RP1L1: variants seen among roughly 807,000 people sequenced by gnomAD.
RP1L1 encodes retinitis pigmentosa 1-like 1 protein.
Under a neutral mutation model 15.7 loss-of-function variants are expected in RP1L1, and 27 were observed. The observed-to-expected ratio is 1.72, with a 90% CI of 1.27 to 2.38. The LOEUF is 2.38. Among genes scored for constraint, RP1L1 ranks in the 30% most tolerant of loss-of-function variants. The probability of loss-of-function intolerance (pLI) is 0.00; values close to 1 mark genes in which losing one functional copy is unlikely to be tolerated. For missense variants in RP1L1, 4,798 were observed against 3,075.9 expected, an observed-to-expected ratio of 1.56 and a Z score of -13.24; for synonymous variants, 1,813 against 1,276.7, an observed-to-expected ratio of 1.42 and a Z score of -8.96.
chr8:10,634,432 C>T (rs1286286817), intron 1 of RP1L1, among the ~76,000 whole-genome samples: 4 of 152,168 alleles, frequency 2.6e-5, no homozygotes, highest in Non-Finnish European at 5.9e-5. Flanking sequence ...GGCATATGGA[C>T]CGGTTTTCCG....
chr8:10,637,153 G>T (rs1302275983), intron 1 of RP1L1, among the ~76,000 whole-genome samples: 2 of 152,176 alleles, frequency 1.3e-5, no homozygotes, highest in Non-Finnish European at 2.9e-5. Context: ...GAGCCTTCCT[G>T]GTCAGGTTCC....
chr8:10,612,898 C>T lies in RP1L1; in HGVS notation c.1200G>A (p.Gln400=), dbSNP rs754964072. 1 of 1,613,060 alleles carries T rather than the reference C, an allele frequency of 6.2e-7. No homozygotes were observed. The highest frequency in any genetic ancestry group is 1.1e-5 in the South Asian group (1 of 91,088). Residue 400 remains glutamine, a synonymous_variant, in exon 4 of 4, where the codon CAG becomes CAA. Coordinates refer to ENST00000382483, the MANE Select transcript of RP1L1 (RefSeq NM_178857.6). Reference sequence around the variant, plus strand: ...TCCAGATTTCATACTTGGGCCCTGGCTGCCCGCCTCGGCCAAAGACTTCCC... The same window carrying T: ...TCCAGATTTCATACTTGGGCCCTGGTTGCCCGCCTCGGCCAAAGACTTCCC... The part of the protein sequence containing the change: ...GCREVFGRGG[Q]PGPKYEIWTN...
chr8:10,632,461 T>C (rs990795056), intron 1 of RP1L1, among the ~76,000 whole-genome samples: 4 of 152,212 alleles, frequency 2.6e-5, no homozygotes, highest in Non-Finnish European at 5.9e-5. Context: ...TATACAGATA[T>C]CTCCACCTAA....
At chr8:10,645,760 A>G (rs75645657) in intron 1 of RP1L1, among the ~76,000 whole-genome samples, 3,171 of 152,296 alleles carry the variant, frequency 0.021, 94 homozygotes, top group Admixed American at 0.07. Flanking sequence ...GCACCAGTGC[A>G]AGCGAGTCCA....
chr8:10,606,674 T>G lies in RP1L1; in HGVS notation c.*221A>C. 1.4e-6 allele frequency: 1 copy of G among 699,032 alleles called. No homozygotes were observed. The highest frequency in any genetic ancestry group is 2.3e-6 in the Non-Finnish European group (1 of 435,888). The allele number at this position is 699,032 out of a possible 1,614,324, so 43.3% of individuals were successfully genotyped here. A position where few individuals can be genotyped will look rare whatever the true frequency, so the allele number is the denominator to read the frequency against. On this transcript the variant is annotated 3_prime_UTR_variant, in exon 4 of 4. Coordinates refer to ENST00000382483, the MANE Select transcript of RP1L1 (RefSeq NM_178857.6). ...CCGGGCAGATCCGCAGACACCCCCT[T>G]TCTTCACACTGCGTGTGGGACGGGC...
chr8:10,650,254 G>T (rs1798539251), intron 1 of RP1L1, among the ~76,000 whole-genome samples: 1 of 152,060 alleles, frequency 6.6e-6, no homozygotes, highest in Admixed American at 6.5e-5. Context: ...CCTGCCTCTG[G>T]ACTTCTTACT....
intron 1 of RP1L1, among the ~76,000 whole-genome samples, chr8:10,629,274 T>C (rs1040507779): frequency 1.8e-5 from 2 of 108,828 alleles, no homozygotes; most frequent in African/African-American, 7.4e-5. Context: ...GGAAAGTGCA[T>C]GGGCAGGGCA....
chr8:10,607,947 C>T lies in RP1L1; in HGVS notation c.6151G>A (p.Glu2051Lys), dbSNP rs545838470. ...TQKTEGDAQP[E>K]SDGVEAPEAE... ...TCCGGGGCCTCTACACCGTCTGACT[C>T]TGGCTGGGCATCCCCTTCTGTCTTC... Residue 2051 changes from glutamate to lysine, a missense_variant, in exon 4 of 4, where the codon GAG (glutamate) becomes AAG (lysine). By Grantham distance (56) the Glu-to-Lys change is moderately conservative (BLOSUM62 1). Transcript: ENST00000382483. 1 of 1,613,312 alleles carries T rather than the reference C, an allele frequency of 6.2e-7. No individual in the cohort carries two copies. Among genetic ancestry groups the T allele is most frequent in the African/African-American group, 1.3e-5 (1 of 74,852 alleles).
Position 10,622,677 on chromosome 8 carries a change from A to G in RP1L1, c.525T>C (p.Thr175=), listed in dbSNP as rs748425995. ...TGCCGAGAAAGGCGGCCAGGTTCCT[A>G]GTATTCCTGTGACTGAGAACCACTG... The part of the protein sequence containing the change: ...QQTVVLSHRN[T]RNLAAFLGKA... Residue 175 remains threonine (T), a synonymous_variant, in exon 2 of 4, where the codon ACT becomes ACC. Coordinates refer to ENST00000382483, the MANE Select transcript of RP1L1 (RefSeq NM_178857.6). The G allele has an allele frequency of 6.2e-7, 1 of 1,614,186 alleles. No individual in the cohort carries two copies. The highest frequency in any genetic ancestry group is 1.7e-5 in the Admixed American group (1 of 60,016).
In RP1L1 at chr8:10,622,922, C is replaced by T. The variant is rs942687332; in HGVS notation, c.280G>A (p.Glu94Lys). The change falls in exon 2 of 4, where the codon GAG (glutamate) becomes AAG (lysine). Residue 94 changes from glutamate to lysine, a missense_variant. Transcript: ENST00000382483. ...TAGCAGCCTCCATCTTCCAGCTGCT[C>T]CAGGGCGCTGAGGCTATGCAGGCCC... is the stretch of plus-strand genomic sequence containing the variant. Reference protein sequence around the residue: ...PRGLHSLSALEQLEDGGCYLC... With the variant: ...PRGLHSLSALKQLEDGGCYLC... The T allele has an allele frequency of 6.2e-7, 1 of 1,613,852 alleles. No homozygotes were observed. The highest frequency in any genetic ancestry group is 8.5e-7 in the Non-Finnish European group (1 of 1,179,966).
At chr8:10,632,257 T>C (rs1043319177) in intron 1 of RP1L1, among the ~76,000 whole-genome samples, 2 of 152,220 alleles carry the variant, frequency 1.3e-5, no homozygotes, top group East Asian at 3.9e-4. Context: ...TAGCTATAAC[T>C]GGGCAATACT....
At chr8:10,626,590 A>T (rs1479480675) in intron 1 of RP1L1, among the ~76,000 whole-genome samples, 2 of 152,236 alleles carry the variant, frequency 1.3e-5, no homozygotes, top group Admixed American at 6.5e-5. Flanking sequence ...GCCACAGGTC[A>T]TAAGAGCACT....
intron 1 of RP1L1, among the ~76,000 whole-genome samples, chr8:10,638,380 G>A (rs571867385): frequency 3.3e-5 from 5 of 152,230 alleles, no homozygotes; most frequent in African/African-American, 9.6e-5. Context: ...GGAGGAATTC[G>A]AGACAGTTTC....
At chr8:10,642,054 C>G (rs1351142996) in intron 1 of RP1L1, among the ~76,000 whole-genome samples, 2 of 152,058 alleles carry the variant, frequency 1.3e-5, no homozygotes, top group East Asian at 3.9e-4. Flanking sequence ...TGATATTGTA[C>G]TATAGTTTTA....
At chr8:10,640,329 T>G (rs1798388313) in intron 1 of RP1L1, among the ~76,000 whole-genome samples, 1 of 152,216 alleles carries the variant, frequency 6.6e-6, no homozygotes, top group African/African-American at 2.4e-5. Flanking sequence ...AAGATCAAGA[T>G]TATTTTATAT....
intron 1 of RP1L1, among the ~76,000 whole-genome samples, chr8:10,632,160 C>G (rs74675721): frequency 0.054 from 8,211 of 152,220 alleles, 690 homozygotes; most frequent in African/African-American, 0.18. Flanking sequence ...GTTTTGCACT[C>G]CTGCCCTGCT....
chr8:10,627,483 G>C lies in RP1L1; in HGVS notation c.-19-4263C>G, dbSNP rs553809848. 3.8e-4 allele frequency among the ~76,000 whole-genome samples: 58 copies of C among 152,010 alleles called. 1 individual carries two copies. The highest frequency in any genetic ancestry group is 7.3e-4 in the Non-Finnish European group (50 of 68,032). On this transcript the variant is annotated intron_variant, in intron 1 of 3. Coordinates refer to ENST00000382483, the MANE Select transcript of RP1L1 (RefSeq NM_178857.6). ...ATGGGGGACATCAGGGCTGGGAGGA[G>C]GTACGAGAGGGGAGTTAATGTTTCA...
chr8:10,634,215 A>G (rs968297082), intron 1 of RP1L1, among the ~76,000 whole-genome samples: 6 of 152,226 alleles, frequency 3.9e-5, no homozygotes, highest in African/African-American at 1.4e-4. Flanking sequence ...ACACCACCCG[A>G]CTTATCCACC....
At position 10,610,467 on chromosome 8, in the gene RP1L1, C is replaced by T; in HGVS notation, c.3631G>A (p.Gly1211Arg). The stretch of plus-strand genomic sequence containing the variant: ...ATGGCACAGGGTACGCTACTCTCCC[C>T]TGAGCCTCCAGAGCCGCTGCTGATG... Reference protein sequence around the residue: ...VDISSGSGGSGESSVPCAMDG... With the variant: ...VDISSGSGGSRESSVPCAMDG... The change falls in exon 4 of 4, where the codon GGG (glycine) becomes AGG (arginine). Residue 1211 changes from glycine (G) to arginine (R), a missense_variant. By Grantham distance (125) the Gly-to-Arg change is moderately radical. Coordinates refer to ENST00000382483, the MANE Select transcript of RP1L1 (RefSeq NM_178857.6). 1 of 1,613,776 alleles carries T rather than the reference C, an allele frequency of 6.2e-7. No individual in the cohort carries two copies. The highest frequency in any genetic ancestry group is 8.5e-7 in the Non-Finnish European group (1 of 1,179,988).
Sources: allele counts gnomAD v4.1 joint callset (sites outside exome capture counted in the v4.1 genomes callset), GRCh38; gene constraint gnomAD v4.1.1; transcripts MANE v1.5; gene names NCBI Gene and HGNC (gene_info 2026-07-23, HGNC 2026-07-21).